Variants in MARCHF4 observed in about 807,000 individuals in gnomAD.
The protein encoded by MARCHF4 is E3 ubiquitin-protein ligase MARCHF4.
Under a neutral mutation model 43.9 loss-of-function variants are expected in MARCHF4, and 14 were observed. The ratio of observed to expected loss-of-function variants is 0.32; its 90% CI spans 0.21 to 0.50. The LOEUF (loss-of-function observed/expected upper bound fraction) is 0.50. MARCHF4 is among the 20% of genes least tolerant of loss of function. The probability of loss-of-function intolerance (pLI) is 0.98; values close to 1 mark genes in which losing one functional copy is unlikely to be tolerated. For missense variants in MARCHF4, 468 were observed against 536.7 expected (o/e 0.87, Z 1.27); for synonymous variants, 226 against 213.3 (o/e 1.06, Z -0.52).
chr2:216,333,113 A>T (rs530897810), intron 1 of MARCHF4, among the ~76,000 whole-genome samples: 153 of 152,288 alleles, frequency 1.0e-3, no homozygotes, highest in Non-Finnish European at 1.2e-3. Context: ...ATTTTCTTAC[A>T]TACACACAAA....
At chr2:216,263,948 T>TGGTG (rs1690801796) in intron 3 of MARCHF4, among the ~76,000 whole-genome samples, 1 of 152,132 alleles carries the variant, frequency 6.6e-6, no homozygotes, top group African/African-American at 2.4e-5. Context: ...GGCCCTGTGA[T>TGGTG]GGTGGGTGAG....
At chr2:216,330,076 G>T (rs1692062211) in intron 1 of MARCHF4, among the ~76,000 whole-genome samples, 1 of 151,106 alleles carries the variant, frequency 6.6e-6, no homozygotes, top group Non-Finnish European at 1.5e-5. Context: ...CTGGGCAACA[G>T]AATGAGAATC....
At chr2:216,290,104 T>G (rs1450177578) in intron 1 of MARCHF4, among the ~76,000 whole-genome samples, 1 of 152,162 alleles carries the variant, frequency 6.6e-6, no homozygotes, top group Non-Finnish European at 1.5e-5. Context: ...TAAATATGAT[T>G]AAAAAGTAAA....
chr2:216,318,610 C>A (rs1691822822), intron 1 of MARCHF4, among the ~76,000 whole-genome samples: 1 of 152,116 alleles, frequency 6.6e-6, no homozygotes, highest in African/African-American at 2.4e-5. Context: ...GAAGACCAGA[C>A]AGGGAGGAGG....
rs1002079204 is a variant in MARCHF4, at chr2:216,370,053, G to T, written c.208C>A (p.Pro70Thr). ...GTGTTGTTGGCCGCCAAACCGGGGG[G>T]CTGGGGGTCGCCGTGCATGGGCAGG... is the stretch of plus-strand genomic sequence containing the variant. ...APLPMHGDPQ[P>T]PGLAANNTLP... Residue 70 changes from proline (P) to threonine (T), a missense_variant, in exon 1 of 4, where the codon CCC becomes ACC. Physicochemically the swap from Pro to Thr is conservative, Grantham distance 38. Around this residue, in one of 3 missense-constraint regions of MARCHF4, gnomAD observed 190 missense variants for 158.5 expected, o/e 1.20. Coordinates refer to ENST00000273067, the MANE Select transcript of MARCHF4 (RefSeq NM_020814.3). 2.4e-5 allele frequency: 37 copies of T among 1,557,698 alleles called. No homozygotes were observed. The highest frequency in any genetic ancestry group is 2.8e-5 in the Non-Finnish European group (32 of 1,150,118).
At chr2:216,354,553 C>T (rs1198345661) in intron 1 of MARCHF4, among the ~76,000 whole-genome samples, 1 of 152,192 alleles carries the variant, frequency 6.6e-6, no homozygotes, top group Non-Finnish European at 1.5e-5. Context: ...CCAAGCTCTC[C>T]ATCTTATCTC....
chr2:216,370,179 C>G lies in MARCHF4; in HGVS notation c.82G>C (p.Ala28Pro), dbSNP rs1574490850. The change falls in exon 1 of 4, where the codon GCC becomes CCC. Residue 28 changes from alanine (A) to proline (P), a missense_variant. Ala to Pro is a conservative substitution (Grantham distance 27). Around this residue, in one of 3 missense-constraint regions of MARCHF4, gnomAD observed 190 missense variants for 158.5 expected, o/e 1.20. Coordinates refer to ENST00000273067, the MANE Select transcript of MARCHF4 (RefSeq NM_020814.3). ...GWYCYGLCAP[A>P]PQMLRHQGLL... ...CCCTGGTGGCGCAACATCTGGGGGG[C>G]TGGGGCACACAATCCATAGCAGTAC... 9 of 1,612,450 alleles carry G rather than the reference C, an allele frequency of 5.6e-6. No individual in the cohort carries two copies. The South Asian group carries it at 7.7e-5, about 14-fold the overall frequency.
At position 216,277,844 on chromosome 2, in the gene MARCHF4, C is replaced by A. The variant is rs762905105; in HGVS notation, c.693G>T (p.Thr231=). The change falls in exon 3 of 4, where the codon ACG becomes ACT. Residue 231 remains threonine (T), a synonymous_variant. Transcript: ENST00000273067. ...CTGCAACCTGAACCTTCTCAATGAC[C>A]GTCAGAGAGATGGCCTGCCACTGCA... ...NPLQWQAISL[T]VIEKVQVAAA... is the part of the protein sequence containing the mutation. 6.2e-7 allele frequency: 1 copy of A among 1,611,794 alleles called. No individual in the cohort carries two copies. The highest frequency in any genetic ancestry group is 1.3e-5 in the African/African-American group (1 of 74,880).
chr2:216,301,444 G>A (rs913613027), intron 1 of MARCHF4, among the ~76,000 whole-genome samples: 5 of 152,140 alleles, frequency 3.3e-5, no homozygotes, highest in African/African-American at 9.7e-5. Context: ...GTCAATCTTC[G>A]ACTTCAGAGA....
intron 1 of MARCHF4, among the ~76,000 whole-genome samples, chr2:216,348,479 T>C (rs1316951062): frequency 6.6e-6 from 1 of 152,194 alleles, no homozygotes; most frequent in African/African-American, 2.4e-5. Flanking sequence ...GAGTGACCTC[T>C]GGTTGTCCTC....
At chr2:216,327,925 T>G (rs903961495) in intron 1 of MARCHF4, among the ~76,000 whole-genome samples, 1 of 149,980 alleles carries the variant, frequency 6.7e-6, no homozygotes, top group African/African-American at 2.5e-5. Context: ...TTTGTATTTT[T>G]ATGTGAAATA....
At chr2:216,339,474 G>A (rs1457585728) in intron 1 of MARCHF4, among the ~76,000 whole-genome samples, 1 of 152,214 alleles carries the variant, frequency 6.6e-6, no homozygotes, top group Non-Finnish European at 1.5e-5. Flanking sequence ...AGCAGGTGCT[G>A]AGCAGTTTCC....
At chr2:216,328,289 C>G (rs544020289) in intron 1 of MARCHF4, among the ~76,000 whole-genome samples, 131 of 152,298 alleles carry the variant, frequency 8.6e-4, no homozygotes, top group Middle Eastern at 3.4e-3. Flanking sequence ...CCTGCCTCAG[C>G]CTCCCAAGTA....
chr2:216,293,336 G>C (rs1353825516), intron 1 of MARCHF4, among the ~76,000 whole-genome samples: 1 of 151,926 alleles, frequency 6.6e-6, no homozygotes, highest in Admixed American at 6.6e-5. Context: ...GAGGAAATAA[G>C]GCATTGTTGC....
At chr2:216,368,779 GAGCC>G (rs1412005226) in intron 1 of MARCHF4, among the ~76,000 whole-genome samples, 1 of 152,218 alleles carries the variant, frequency 6.6e-6, no homozygotes, top group Non-Finnish European at 1.5e-5. Context: ...CTAACTGCGT[GAGCC>G]TTTCTATCTG....
At position 216,371,871 on chromosome 2, in the gene MARCHF4, C is replaced by T. The variant is rs933269809; in HGVS notation, c.-1611G>A. 1 of 152,180 alleles carries T rather than the reference C, an allele frequency of 6.6e-6. No individual in the cohort carries two copies. The allele number at this position is 152,180 out of a possible 1,614,324, so 9.4% of individuals were successfully genotyped here. On this transcript the variant is annotated 5_prime_UTR_variant, in exon 1 of 4. Transcript: ENST00000273067. ...CCACCAAGGGCGGCCTCGGCCCGCT[C>T]TCTGCCCCCCCACCCCGCCCCTTCC...
chr2:216,343,676 A>C (rs1176041006), intron 1 of MARCHF4, among the ~76,000 whole-genome samples: 1 of 152,174 alleles, frequency 6.6e-6, no homozygotes, highest in Non-Finnish European at 1.5e-5. Context: ...TTATCTCCAT[A>C]TTCCTCTGAT....
intron 1 of MARCHF4, among the ~76,000 whole-genome samples, chr2:216,338,427 C>T (rs1211839785): frequency 6.6e-6 from 1 of 152,196 alleles, no homozygotes; most frequent in Non-Finnish European, 1.5e-5. Context: ...CACGTAGCAA[C>T]TGCAGGTAGT....
intron 1 of MARCHF4, among the ~76,000 whole-genome samples, chr2:216,336,742 T>A (rs200658938): frequency 0.043 from 2,374 of 55,630 alleles, 125 homozygotes; most frequent in East Asian, 0.14. Context: ...CAAATAGATT[T>A]AAAAAAAAAA....
Sources: allele counts gnomAD v4.1 joint callset (sites outside exome capture counted in the v4.1 genomes callset), GRCh38; gene constraint gnomAD v4.1.1; regional missense constraint gnomAD v4.1.1; transcripts MANE v1.5; gene names NCBI Gene and HGNC (gene_info 2026-07-23, HGNC 2026-07-21).